LRRC49: variants seen among roughly 807,000 people sequenced by gnomAD.
LRRC49 encodes leucine rich repeat containing 49.
A neutral mutation model predicts 83.3 loss-of-function variants in LRRC49; 50 were observed. That is an observed-to-expected ratio of 0.60 (90% CI 0.48 to 0.76). The LOEUF (loss-of-function observed/expected upper bound fraction) is 0.76. Among genes scored for constraint, LRRC49 ranks in the 30% least tolerant of loss-of-function variants. The pLI, the probability that LRRC49 is intolerant of heterozygous loss-of-function variation, is 0.00. For missense variants in LRRC49, 704 were observed against 809.1 expected, an observed-to-expected ratio of 0.87 and a Z score of 1.58; for synonymous variants, 286 against 283.3, an observed-to-expected ratio of 1.01 and a Z score of -0.10.
intron 6 of LRRC49, among the ~76,000 whole-genome samples, chr15:70,913,721 A>G (rs894786955): frequency 6.6e-6 from 1 of 152,138 alleles, no homozygotes; most frequent in African/African-American, 2.4e-5. Context: ...TTATAACTAT[A>G]AATGAAACAT....
At chr15:70,982,237 G>A (rs554957739) in intron 10 of LRRC49, among the ~76,000 whole-genome samples, 9 of 151,314 alleles carry the variant, frequency 5.9e-5, no homozygotes, top group East Asian at 1.9e-4. Context: ...TATTTCTTTC[G>A]CCTACCCCTG....
At chr15:70,853,839 G>A in intron 1 of LRRC49, 1 of 1,195,380 alleles carries the variant, frequency 8.4e-7, no homozygotes, top group Non-Finnish European at 1.0e-6. Context: ...ACTCGCGCGC[G>A]GCCCGGCGCC....
At chr15:70,912,959 G>A (rs1014389168) in intron 6 of LRRC49, among the ~76,000 whole-genome samples, 2 of 152,190 alleles carry the variant, frequency 1.3e-5, no homozygotes, top group African/African-American at 4.8e-5. Context: ...TTACAGGCAT[G>A]AGCCACCGTG....
At chr15:70,912,698 A>T (rs1239106812) in intron 6 of LRRC49, among the ~76,000 whole-genome samples, 2 of 151,190 alleles carry the variant, frequency 1.3e-5, no homozygotes, top group Non-Finnish European at 2.9e-5. Flanking sequence ...TATTTTTGAG[A>T]CGGAGTCTTG....
At chr15:71,045,581 A>G (rs2039830928) in intron 15 of LRRC49, among the ~76,000 whole-genome samples, 1 of 152,202 alleles carries the variant, frequency 6.6e-6, no homozygotes, top group Non-Finnish European at 1.5e-5. Flanking sequence ...TAGGTGTACA[A>G]TTGCTGAGTT....
chr15:70,853,921 G>A, intron 1 of LRRC49: 4 of 1,395,998 alleles, frequency 2.9e-6, no homozygotes, highest in East Asian at 3.1e-5. Context: ...CCTCGCTCGC[G>A]CTGCCCCAGC....
intron 14 of LRRC49, among the ~76,000 whole-genome samples, chr15:71,023,665 T>G (rs1005927490): frequency 3.3e-5 from 5 of 152,210 alleles, no homozygotes; most frequent in Non-Finnish European, 5.9e-5. Context: ...CTACCCTGCC[T>G]GGGAAACCAC....
intron 15 of LRRC49, among the ~76,000 whole-genome samples, chr15:71,043,921 A>T (rs796655406): frequency 4.6e-5 from 7 of 152,312 alleles, no homozygotes; most frequent in African/African-American, 1.4e-4. Context: ...TAATAATAGA[A>T]TTTTGTCTTT....
chr15:70,920,821 A>G (rs556917144), intron 7 of LRRC49, among the ~76,000 whole-genome samples: 1 of 152,182 alleles, frequency 6.6e-6, no homozygotes, highest in African/African-American at 2.4e-5. Flanking sequence ...GCTATATATC[A>G]AATTTACTAT....
chr15:70,854,076 C>T, intron 1 of LRRC49: 1 of 1,352,176 alleles, frequency 7.4e-7, no homozygotes, highest in Non-Finnish European at 9.6e-7. Context: ...GCCTCCCCGC[C>T]GGACTGGGCC....
rs532514452 is a variant in LRRC49, at chr15:70,892,860, G to A, written c.-35G>A. ...TCTCCGCTGTAGCGTCACCTGGAAG[G>A]CAGATCTAACAGAGAACCTGGACTG... is the stretch of plus-strand genomic sequence containing the variant. On this transcript the variant is annotated 5_prime_UTR_variant, in exon 1 of 16. Coordinates refer to ENST00000260382, the MANE Select transcript of LRRC49 (RefSeq NM_017691.5). The A allele has an allele frequency of 8.4e-5, 135 of 1,614,156 alleles. 1 individual carries two copies. In the South Asian group the frequency reaches 1.1e-3, roughly 13 times the overall value.
Position 70,980,120 on chromosome 15 carries a change from C to A in LRRC49, c.941C>A (p.Ala314Glu). Residue 314 changes from alanine to glutamate, a missense_variant, in exon 10 of 16, where the codon GCA (alanine) becomes GAA (glutamate). This residue lies in a region of LRRC49 where 168 missense variants were observed against 140.6 expected (regional missense o/e 1.20). Coordinates refer to ENST00000260382, the MANE Select transcript of LRRC49 (RefSeq NM_017691.5). Reference sequence around the variant, plus strand: ...TTTTAGGAAGAAGAAAGGCGTATGGCATCTGTTTTAGCCAAAAAAGAGGAA... The same window carrying A: ...TTTTAGGAAGAAGAAAGGCGTATGGAATCTGTTTTAGCCAAAAAAGAGGAA... Reference protein sequence around the residue: ...KRITEEERRMASVLAKKEEEK... With the variant: ...KRITEEERRMESVLAKKEEEK... The A allele has an allele frequency of 6.2e-7, 1 of 1,610,556 alleles. No individual in the cohort carries two copies. The highest frequency in any genetic ancestry group is 8.5e-7 in the Non-Finnish European group (1 of 1,178,346).
chr15:70,986,156 T>C (rs1475056955), intron 11 of LRRC49, among the ~76,000 whole-genome samples: 1 of 150,658 alleles, frequency 6.6e-6, no homozygotes, highest in Non-Finnish European at 1.5e-5. Flanking sequence ...AGTAGTTTTT[T>C]CCAATTCTGT....
At chr15:70,998,172 T>G (rs2038138457) in intron 11 of LRRC49, among the ~76,000 whole-genome samples, 1 of 152,156 alleles carries the variant, frequency 6.6e-6, no homozygotes, top group African/African-American at 2.4e-5. Flanking sequence ...TTATAATTAA[T>G]TTTATACATT....
intron 5 of LRRC49, among the ~76,000 whole-genome samples, chr15:70,909,709 C>T (rs1051870347): frequency 3.9e-5 from 6 of 152,054 alleles, no homozygotes; most frequent in East Asian, 3.9e-4. Context: ...TGTAGTGGCT[C>T]GCACCTGTGG....
At chr15:70,984,073 T>C (rs1281655589) in intron 10 of LRRC49, 21 bp from the exon 11 acceptor site, 2 of 1,608,728 alleles carry the variant, frequency 1.2e-6, no homozygotes, top group Admixed American at 3.4e-5. Flanking sequence ...ATAACTTTTG[T>C]CACAATTAAC....
Position 70,987,029 on chromosome 15 carries a change from C to T in LRRC49, c.1169+2772C>T, listed in dbSNP as rs897333724. 1.3e-3 allele frequency among the ~76,000 whole-genome samples: 201 copies of T among 152,222 alleles called. 3 individuals carry two copies. Among genetic ancestry groups the T allele is most frequent in the Admixed American group, 0.012 (185 of 15,294 alleles). Reference sequence around the variant, plus strand: ...AAGCTTTTTGATGTGCTGCTGGATTCGGTTTGCCAGTATTTTATTGAGGAT... The same window carrying T: ...AAGCTTTTTGATGTGCTGCTGGATTTGGTTTGCCAGTATTTTATTGAGGAT... On this transcript the variant is annotated intron_variant, in intron 11 of 15. Coordinates refer to ENST00000260382, the MANE Select transcript of LRRC49 (RefSeq NM_017691.5).
intron 15 of LRRC49, chr15:71,048,844 C>T (rs984562661): frequency 2.2e-6 from 1 of 455,954 alleles, no homozygotes; most frequent in South Asian, 1.5e-5. Flanking sequence ...GTCCTGGGTC[C>T]CAGGTTTCTA....
At position 71,013,725 on chromosome 15, in the gene LRRC49, T is replaced by C. The variant is rs182255445; in HGVS notation, c.1703+812T>C. Reference sequence around the variant, plus strand: ...CACTCTGGTTAGAGTAAGCAAGGAATTAGATATCTACAAAATATTTGAAAG... The same window carrying C: ...CACTCTGGTTAGAGTAAGCAAGGAACTAGATATCTACAAAATATTTGAAAG... On this transcript the variant is annotated intron_variant, in intron 14 of 15. Transcript: ENST00000260382. Among the ~76,000 whole-genome samples the C allele has an allele frequency of 1.3e-3, 201 of 152,290 alleles. 3 individuals carry two copies. Among genetic ancestry groups the C allele is most frequent in the Non-Finnish European group, 2.1e-3 (145 of 68,022 alleles).
Sources: allele counts gnomAD v4.1 joint callset (sites outside exome capture counted in the v4.1 genomes callset), GRCh38; gene constraint gnomAD v4.1.1; regional missense constraint gnomAD v4.1.1; transcripts MANE v1.5; gene names NCBI Gene and HGNC (gene_info 2026-07-23, HGNC 2026-07-21).